NLK: variants seen among roughly 807,000 people sequenced by gnomAD.
NLK encodes serine/threonine-protein kinase NLK.
A neutral mutation model predicts 59.0 loss-of-function variants in NLK; 11 were observed. The observed-to-expected ratio is 0.19, with a 90% CI of 0.12 to 0.31. The LOEUF (loss-of-function observed/expected upper bound fraction) is 0.31, where lower values mean the gene tolerates loss of function less well. NLK is among the 10% of genes least tolerant of loss of function. NLK has a pLI of 1.00. For synonymous variants in NLK, 235 were observed against 235.9 expected, an observed-to-expected ratio of 1.00 and a Z score of 0.03; for missense variants, 410 against 661.1, an observed-to-expected ratio of 0.62 and a Z score of 4.16.
chr17:28,112,651 G>A (rs915362809), intron 1 of NLK, among the ~76,000 whole-genome samples: 1 of 152,060 alleles, frequency 6.6e-6, no homozygotes, highest in Admixed American at 6.6e-5. Flanking sequence ...CTCCTGTTTT[G>A]TTTTGTTTTT....
At chr17:28,092,767 A>ATTTTG (rs1273736254) in intron 1 of NLK, among the ~76,000 whole-genome samples, 2 of 137,702 alleles carry the variant, frequency 1.5e-5, no homozygotes, top group East Asian at 4.0e-4. Flanking sequence ...ATTTTATTTT[A>ATTTTG]TTTTATTTTA....
At chr17:28,052,130 A>G (rs1451540671) in intron 1 of NLK, among the ~76,000 whole-genome samples, 1 of 152,134 alleles carries the variant, frequency 6.6e-6, no homozygotes. Flanking sequence ...TTTCTTCTAC[A>G]TGTCCATTTG....
At chr17:28,077,232 A>G (rs1047984248) in intron 1 of NLK, among the ~76,000 whole-genome samples, 1 of 151,772 alleles carries the variant, frequency 6.6e-6, no homozygotes, top group Admixed American at 6.6e-5. Flanking sequence ...GAAGAAAAAG[A>G]GGTTTAATTG....
Position 28,195,772 on chromosome 17 carries a change from A to G in NLK, c.*1136A>G, listed in dbSNP as rs748703767. On this transcript the variant is annotated 3_prime_UTR_variant, in exon 11 of 11. Coordinates refer to ENST00000407008, the MANE Select transcript of NLK (RefSeq NM_016231.5). ...GGCCTCTACCTCCTGGAGTTATACA[A>G]CTTGGCTTGTTTACCTCCACATGCT... is the stretch of plus-strand genomic sequence containing the variant. The G allele has an allele frequency of 1.1e-4, 17 of 152,022 alleles. No homozygotes were observed. Among genetic ancestry groups the G allele is most frequent in the African/African-American group, 2.9e-4 (12 of 41,356 alleles). 9.4% of individuals were successfully genotyped at this position (152,022 alleles called of 1,614,324 possible). A position where few individuals can be genotyped will look rare whatever the true frequency, so the allele number is the denominator to read the frequency against.
intron 6 of NLK, 138 bp downstream of exon 6, chr17:28,168,795 A>G: frequency 6.3e-6 from 4 of 636,698 alleles, no homozygotes; most frequent in Non-Finnish European, 1.1e-5. Flanking sequence ...TAAAATTCAG[A>G]AAGTTATAAA....
the NLK span, among the ~76,000 whole-genome samples, chr17:28,205,599 C>A: frequency 6.6e-6 from 1 of 152,144 alleles, no homozygotes. Context: ...TTAGTTGTTT[C>A]TTGGTTGTTT....
intron 3 of NLK, among the ~76,000 whole-genome samples, chr17:28,156,266 G>A (rs1907712410): frequency 1.3e-5 from 2 of 151,922 alleles, no homozygotes; most frequent in African/African-American, 4.8e-5. Context: ...TTTTATTGAG[G>A]GGAAGGGAAA....
downstream of NLK, among the ~76,000 whole-genome samples, chr17:28,200,332 T>C (rs1371423204): frequency 6.6e-6 from 1 of 152,220 alleles, no homozygotes; most frequent in Non-Finnish European, 1.5e-5. Flanking sequence ...AATTTTTGTA[T>C]AAGTTGTGAT....
rs937253585 is a variant in NLK at position 28,195,328 on chromosome 17, A to G, written c.*692A>G. 1 of 150,958 alleles carries G rather than the reference A, an allele frequency of 6.6e-6. No homozygotes were observed. The highest frequency in any genetic ancestry group is 1.5e-5 in the Non-Finnish European group (1 of 67,800). The allele number at this position is 150,958 out of a possible 1,614,324, so 9.4% of individuals were successfully genotyped here. A position where few individuals can be genotyped will look rare whatever the true frequency, so the allele number is the denominator to read the frequency against. On this transcript the variant is annotated 3_prime_UTR_variant, in exon 11 of 11. Transcript: ENST00000407008. ...CCTTACCCAGTATAAATATATATAT[A>G]TATATTTAATCTATTTTTATTAGAA...
chr17:28,050,523 G>A (rs947948958), intron 1 of NLK, among the ~76,000 whole-genome samples: 1 of 152,222 alleles, frequency 6.6e-6, no homozygotes, highest in Non-Finnish European at 1.5e-5. Flanking sequence ...AAAAGGCTCC[G>A]TAGGCGGGCA....
At chr17:28,070,257 G>A (rs909607914) in intron 1 of NLK, among the ~76,000 whole-genome samples, 4 of 151,434 alleles carry the variant, frequency 2.6e-5, no homozygotes, top group South Asian at 2.1e-4. Flanking sequence ...AGAAATCTTT[G>A]TCTAGTGCCA....
chr17:28,090,829 CTA>C (rs1904467054), intron 1 of NLK, among the ~76,000 whole-genome samples: 1 of 152,136 alleles, frequency 6.6e-6, no homozygotes, highest in Admixed American at 6.5e-5. Flanking sequence ...GAGAAATATG[CTA>C]TAATCCTTAT....
Position 28,163,530 on chromosome 17 carries a change from TTTG to T in NLK, c.752-10_752-8del, listed in dbSNP as rs1703632448. 7 of 1,508,672 alleles carry T rather than the reference TTTG, an allele frequency of 4.6e-6. No individual in the cohort carries two copies. The highest frequency in any genetic ancestry group is 6.4e-6 in the Non-Finnish European group (7 of 1,093,688). The allele number at this position is 1,508,672 out of a possible 1,614,324, so 93.5% of individuals were successfully genotyped here. A position where few individuals can be genotyped will look rare whatever the true frequency, so the allele number is the denominator to read the frequency against. ...AATTAAATATCTGCAATTAAATCTG[TTTG>T]TTATTTCAGGTTTGAAATATCTCCA... On this transcript the variant is annotated splice_polypyrimidine_tract_variant and intron_variant, in intron 4 of 10. Transcript: ENST00000407008.
At chr17:28,189,862 C>G (rs1464841979) in intron 8 of NLK, among the ~76,000 whole-genome samples, 1 of 152,206 alleles carries the variant, frequency 6.6e-6, no homozygotes, top group African/African-American at 2.4e-5. Flanking sequence ...ACAAGGTTAT[C>G]AAGTATACGT....
intron 3 of NLK, among the ~76,000 whole-genome samples, chr17:28,152,816 G>A (rs1010670532): frequency 1.3e-5 from 2 of 152,008 alleles, no homozygotes; most frequent in African/African-American, 4.8e-5. Context: ...TAGAGACAGG[G>A]TGTCATTAAG....
Position 28,150,947 on chromosome 17 carries a change from C to A in NLK, c.645-10213C>A, listed in dbSNP as rs2142038604. Reference sequence around the variant, plus strand: ...CCAATGGTAACTTAAAGGGCCATAGCAAATTCATTGACCCAGTGGGTACAC... The same window carrying A: ...CCAATGGTAACTTAAAGGGCCATAGAAAATTCATTGACCCAGTGGGTACAC... On this transcript the variant is annotated intron_variant, in intron 3 of 10. Coordinates refer to ENST00000407008, the MANE Select transcript of NLK (RefSeq NM_016231.5). 3.3e-5 allele frequency among the ~76,000 whole-genome samples: 5 copies of A among 152,320 alleles called. No individual in the cohort carries two copies. In the Middle Eastern group the frequency reaches 0.01, roughly 311 times the overall value.
At chr17:28,078,353 T>A (rs1348909981) in intron 1 of NLK, among the ~76,000 whole-genome samples, 1 of 152,184 alleles carries the variant, frequency 6.6e-6, no homozygotes, top group Non-Finnish European at 1.5e-5. Context: ...TTAAAAAAAA[T>A]TAACAGATTT....
chr17:28,101,872 T>C (rs886920543), intron 1 of NLK, among the ~76,000 whole-genome samples: 7 of 152,246 alleles, frequency 4.6e-5, no homozygotes, highest in East Asian at 3.8e-4. Context: ...TGTCCTTATA[T>C]AGGTATAAAA....
At chr17:28,071,071 C>T (rs1909991852) in intron 1 of NLK, among the ~76,000 whole-genome samples, 1 of 152,192 alleles carries the variant, frequency 6.6e-6, no homozygotes, top group Non-Finnish European at 1.5e-5. Context: ...GGATGTTCAG[C>T]ATCATCCCTT....
Sources: allele counts gnomAD v4.1 joint callset (sites outside exome capture counted in the v4.1 genomes callset), GRCh38; gene constraint gnomAD v4.1.1; transcripts MANE v1.5; gene names NCBI Gene and HGNC (gene_info 2026-07-23, HGNC 2026-07-21).